Variants in RGS12 observed in about 807,000 individuals in gnomAD.
RGS12 encodes the protein regulator of G-protein signaling 12.
Under a neutral mutation model 120.1 loss-of-function variants are expected in RGS12, and 66 were observed. The ratio of observed to expected loss-of-function variants is 0.55; its 90% CI spans 0.45 to 0.67. The LOEUF is 0.67. Ranked by LOEUF, RGS12 falls within the 30% of genes least tolerant of loss-of-function variation. The probability of loss-of-function intolerance (pLI) is 0.00; values close to 1 mark genes in which losing one functional copy is unlikely to be tolerated. For missense variants in RGS12, 1,859 were observed against 1,957.7 expected (o/e 0.95, Z 0.95); for synonymous variants, 827 against 804.7 (o/e 1.03, Z -0.47).
chr4:3,364,536 C>A (rs902479609), intron 3 of RGS12, among the ~76,000 whole-genome samples: 3 of 151,954 alleles, frequency 2.0e-5, no homozygotes, highest in Non-Finnish European at 4.4e-5. Context: ...ACAGCAGCAG[C>A]AGAAGACTGT....
At position 3,422,129 on chromosome 4, in the gene RGS12, G is replaced by A. The variant is rs578183280; in HGVS notation, c.2839-247G>A. ...AAGCCCAGATGTGCCTTCTGAGCAC[G>A]ATGGCCCTTGAGGCCCAGAGCTGAG... On this transcript the variant is annotated intron_variant, in intron 10 of 17. Coordinates refer to ENST00000336727, the MANE Select transcript of RGS12 (RefSeq NM_001394154.1). Among the ~76,000 whole-genome samples, 93 of 152,314 alleles carry A rather than the reference G, an allele frequency of 6.1e-4. 4 individuals carry two copies. In the South Asian group the frequency reaches 0.013, roughly 22 times the overall value.
intron 4 of RGS12, among the ~76,000 whole-genome samples, chr4:3,408,410 A>G (rs1221587478): frequency 6.6e-6 from 1 of 152,198 alleles, no homozygotes. Context: ...GCAAAGAAAA[A>G]TGGTGCTCAG....
intron 15 of RGS12, 124 bp from the exon 16 acceptor site, chr4:3,428,434 G>T: frequency 2.2e-6 from 2 of 891,602 alleles, no homozygotes; most frequent in Admixed American, 2.5e-5. Flanking sequence ...TGGTTTTTCT[G>T]CAATGCATGT....
rs1716253648 is a variant in RGS12 at position 3,365,907 on chromosome 4, C to T, written c.1999-20509C>T. ...TCTCATTGAGTGAATGTTTGTTGAA[C>T]ACCTACTATGTGCCCGACATTATTT... is the stretch of plus-strand genomic sequence containing the variant. On this transcript the variant is annotated intron_variant, in intron 3 of 17. Transcript: ENST00000336727. This position sits in a 1 kb window ranked among gnomAD's most constrained non-coding sequence, Gnocchi z 4.0. 6.6e-6 allele frequency among the ~76,000 whole-genome samples: 1 copy of T among 152,172 alleles called. No individual in the cohort carries two copies.
intron 17 of RGS12, among the ~76,000 whole-genome samples, chr4:3,436,632 C>G (rs535156759): frequency 1.3e-5 from 2 of 152,224 alleles, no homozygotes; most frequent in Non-Finnish European, 2.9e-5. Flanking sequence ...GGGTTCCTGA[C>G]TCAGCTTTGA....
chr4:3,371,609 A>T (rs1188977438), intron 3 of RGS12, among the ~76,000 whole-genome samples: 1 of 152,104 alleles, frequency 6.6e-6, no homozygotes, highest in African/African-American at 2.4e-5. Flanking sequence ...AATCTGGCTG[A>T]TGTGGTCGTC....
intron 2 of RGS12, among the ~76,000 whole-genome samples, chr4:3,330,378 A>C (rs1437706254): frequency 1.3e-5 from 2 of 152,198 alleles, no homozygotes; most frequent in African/African-American, 2.4e-5. Flanking sequence ...AGATTTGATT[A>C]GGTCACCTTT....
At chr4:3,387,426 A>G (rs919556270) in intron 4 of RGS12, among the ~76,000 whole-genome samples, 1 of 152,192 alleles carries the variant, frequency 6.6e-6, no homozygotes, top group African/African-American at 2.4e-5. Context: ...CTCTGTAGGA[A>G]GGCCAGGAGG....
chr4:3,427,377 C>T (rs1723768615), intron 14 of RGS12, among the ~76,000 whole-genome samples: 1 of 152,230 alleles, frequency 6.6e-6, no homozygotes, highest in African/African-American at 2.4e-5. Context: ...CAGAAATGGG[C>T]TTGAGGCCGT....
In RGS12 at chr4:3,317,311, C is replaced by T; in HGVS notation, c.1141C>T (p.Pro381Ser). ...TCTGGAATTCCCGGCGTCCTCCCTC[C>T]CCGTCCTGCAGTTCATCTCTGTCCT... The part of the protein sequence containing the change: ...GCLEFPASSL[P>S]VLQFISVLYR... The change falls in exon 2 of 18, where the codon CCC (proline) becomes TCC (serine). Residue 381 changes from proline to serine, a missense_variant. Transcript: ENST00000336727. 1 of 1,614,174 alleles carries T rather than the reference C, an allele frequency of 6.2e-7. No homozygotes were observed. Among genetic ancestry groups the T allele is most frequent in the South Asian group, 1.1e-5 (1 of 91,084 alleles).
At chr4:3,328,292 C>T (rs903476498) in intron 2 of RGS12, among the ~76,000 whole-genome samples, 3 of 152,162 alleles carry the variant, frequency 2.0e-5, no homozygotes, top group Admixed American at 1.3e-4. Flanking sequence ...ATGGGTGCAA[C>T]GTATGTTGCA....
intron 17 of RGS12, 90 bp from the exon 18 acceptor site, chr4:3,439,365 G>C (rs1467716487): frequency 3.1e-6 from 4 of 1,286,786 alleles, no homozygotes; most frequent in Non-Finnish European, 4.5e-6. Context: ...CTACCATGCT[G>C]TCTGTGCAGG....
intron 1 of RGS12, among the ~76,000 whole-genome samples, chr4:3,298,980 C>A (rs1028713108): frequency 1.3e-5 from 2 of 152,200 alleles, no homozygotes; most frequent in South Asian, 2.1e-4. Flanking sequence ...TTGGCTTCTT[C>A]CAACTATGGG....
intron 3 of RGS12, among the ~76,000 whole-genome samples, chr4:3,350,941 A>G (rs538672830): frequency 6.6e-6 from 1 of 151,620 alleles, no homozygotes; most frequent in Non-Finnish European, 1.5e-5. Context: ...GTCATGAAAC[A>G]GAAAAACATA....
intron 2 of RGS12, among the ~76,000 whole-genome samples, chr4:3,332,734 C>T (rs528197941): frequency 6.6e-6 from 1 of 152,352 alleles, no homozygotes; most frequent in Non-Finnish European, 1.5e-5. Context: ...TTGTGCACTT[C>T]GCACGTGTCC....
intron 8 of RGS12, 140 bp from the exon 9 acceptor site, chr4:3,417,248 C>T (rs757982781): frequency 1.0e-5 from 13 of 1,303,846 alleles, no homozygotes; most frequent in Admixed American, 5.6e-5. Context: ...GGAGTCCTGT[C>T]AGGGCCACAC....
intron 12 of RGS12, 93 bp from the exon 13 acceptor site, chr4:3,423,422 C>A: frequency 6.6e-7 from 1 of 1,517,578 alleles, no homozygotes; most frequent in Non-Finnish European, 9.0e-7. Context: ...GCCTTGAGGG[C>A]GGCCTGGGGC....
intron 17 of RGS12, 30 bp from the exon 18 acceptor site, chr4:3,439,425 A>C (rs1191540787): frequency 2.5e-6 from 4 of 1,611,304 alleles, no homozygotes; most frequent in Non-Finnish European, 3.4e-6. Flanking sequence ...CGGGCCAGGC[A>C]AGTGACAGCT....
intron 3 of RGS12, among the ~76,000 whole-genome samples, chr4:3,363,013 G>A (rs757780795): frequency 6.6e-6 from 1 of 151,754 alleles, no homozygotes; most frequent in Non-Finnish European, 1.5e-5. Context: ...GCACGTCTGT[G>A]AGTGCATGGC....
Sources: gnomAD v4.1 joint callset for allele counts (sites outside exome capture counted in the v4.1 genomes callset) on GRCh38, gnomAD v4.1.1 for gene constraint, Gnocchi (gnomAD v3.1) non-coding constraint, MANE v1.5 for transcripts, NCBI Gene and HGNC (gene_info 2026-07-23, HGNC 2026-07-21) for gene names.